SPTBN1: variants seen among roughly 807,000 people sequenced by gnomAD.
The protein encoded by SPTBN1 is spectrin beta chain, non-erythrocytic 1.
SPTBN1 carries 32 observed loss-of-function variants against 266.4 expected under a neutral mutation model. The ratio of observed to expected loss-of-function variants is 0.12; its 90% CI spans 0.09 to 0.16. SPTBN1 has a LOEUF of 0.16. Ranked by LOEUF, SPTBN1 falls within the 10% of genes least tolerant of loss-of-function variation. The probability of loss-of-function intolerance (pLI) is 1.00; values close to 1 mark genes in which losing one functional copy is unlikely to be tolerated. For synonymous variants in SPTBN1, 1,336 were observed against 1,162.2 expected (o/e 1.15, Z -3.04); for missense variants, 2,296 against 3,067.1 (o/e 0.75, Z 5.94).
intron 1 of SPTBN1, among the ~76,000 whole-genome samples, chr2:54,502,835 G>C (rs1226777973): frequency 6.6e-6 from 1 of 152,200 alleles, no homozygotes; most frequent in African/African-American, 2.4e-5. Context: ...TGAGTGGTGA[G>C]CAGTCTGGTT....
intron 1 of SPTBN1, among the ~76,000 whole-genome samples, chr2:54,522,658 A>AAG (rs147689465): frequency 0.033 from 2,730 of 81,520 alleles, 169 homozygotes; most frequent in African/African-American, 0.1. Context: ...GAGAGAGAGA[A>AAG]AGAGAGAGAG....
chr2:54,654,292 T>C (rs1680504543), intron 27 of SPTBN1, among the ~76,000 whole-genome samples: 1 of 152,248 alleles, frequency 6.6e-6, no homozygotes, highest in Non-Finnish European at 1.5e-5. Context: ...TGCACATTAC[T>C]AAAGGTGTCA....
At chr2:54,522,667 A>AG (rs1558802509) in intron 1 of SPTBN1, among the ~76,000 whole-genome samples, 2 of 99,430 alleles carry the variant, frequency 2.0e-5, no homozygotes, top group African/African-American at 7.3e-5. Context: ...AAAGAGAGAG[A>AG]GAGAGAGAGA....
chr2:54,660,179 C>T, intron 32 of SPTBN1, 180 bp downstream of exon 32: 1 of 1,507,702 alleles, frequency 6.6e-7, no homozygotes, highest in Non-Finnish European at 8.9e-7. Context: ...AAAATTTTTA[C>T]TTAATTCATA....
At position 54,630,038 on chromosome 2, in the gene SPTBN1, G is replaced by T; in HGVS notation, c.2807+9G>T. The T allele has an allele frequency of 6.2e-7, 1 of 1,611,922 alleles. No individual in the cohort carries two copies. Among genetic ancestry groups the T allele is most frequent in the Non-Finnish European group, 8.5e-7 (1 of 1,179,024 alleles). On this transcript the variant is annotated intron_variant, in intron 15 of 35. Coordinates refer to ENST00000356805, the MANE Select transcript of SPTBN1 (RefSeq NM_003128.3). ...GACAAACTCAACACAAGGTGAGCAC[G>T]TGGCCAGCAGTGTGCCAGCCTCCCA...
intron 17 of SPTBN1, among the ~76,000 whole-genome samples, chr2:54,635,850 T>C (rs1025741987): frequency 1.3e-5 from 2 of 152,264 alleles, no homozygotes; most frequent in Non-Finnish European, 2.9e-5. Flanking sequence ...GAACTGGAAT[T>C]TGAGGGAAGG....
chr2:54,613,833 G>C (rs1291041686), intron 4 of SPTBN1, among the ~76,000 whole-genome samples: 1 of 152,214 alleles, frequency 6.6e-6, no homozygotes, highest in African/African-American at 2.4e-5. Context: ...ATTATTAGCA[G>C]TACACTCCTC....
rs994353802 is a variant in SPTBN1, at chr2:54,533,774, C to T, written c.148+7208C>T. On this transcript the variant is annotated intron_variant, in intron 2 of 35. Transcript: ENST00000356805. This position sits in a 1 kb window ranked among gnomAD's most constrained non-coding sequence, Gnocchi z 4.2. ...CCATGTTGGCCAGGCTGGTCTCGAA[C>T]TCCTGACCCCAGGTGATCCGCCCGC... 1.3e-5 allele frequency among the ~76,000 whole-genome samples: 2 copies of T among 152,200 alleles called. No individual in the cohort carries two copies. Among genetic ancestry groups the T allele is most frequent in the African/African-American group, 4.8e-5 (2 of 41,436 alleles).
chr2:54,617,232 G>T (rs548550527), intron 5 of SPTBN1, among the ~76,000 whole-genome samples: 3 of 152,198 alleles, frequency 2.0e-5, no homozygotes, highest in Admixed American at 6.5e-5. Context: ...CCAAAGTAAC[G>T]TGTGACAAGG....
intron 1 of SPTBN1, among the ~76,000 whole-genome samples, chr2:54,479,883 C>G (rs7599380): frequency 0.22 from 33,151 of 151,256 alleles, 4,616 homozygotes; most frequent in East Asian, 0.37. Flanking sequence ...TTCCAAGAGG[C>G]AAGGTCTCAC....
At chr2:54,660,484 A>G (rs1465481502) in intron 32 of SPTBN1, 4 of 989,214 alleles carry the variant, frequency 4.0e-6, no homozygotes, top group African/African-American at 3.5e-5. Flanking sequence ...ATTAACCTAT[A>G]GTAGTTTACT....
intron 1 of SPTBN1, among the ~76,000 whole-genome samples, chr2:54,477,400 C>CTTTT (rs34731938): frequency 2.8e-5 from 4 of 142,998 alleles, no homozygotes; most frequent in African/African-American, 1.0e-4. Context: ...GTGGCATTAC[C>CTTTT]TTTTTTTTTT....
rs1034855870 is a variant in SPTBN1, at chr2:54,668,849, G to T, written c.*280G>T. The T allele has an allele frequency of 1.7e-5, 6 of 348,274 alleles. No homozygotes were observed. The highest frequency in any genetic ancestry group is 3.2e-5 in the Non-Finnish European group (6 of 186,800). The allele number at this position is 348,274 out of a possible 1,614,324, so 21.6% of individuals were successfully genotyped here. ...AGTATTTAAACTGTTCCTCAATTTT[G>T]TGAGGCTGTGTTGGAAATAACCCGC... On this transcript the variant is annotated 3_prime_UTR_variant, in exon 36 of 36. Transcript: ENST00000356805.
intron 1 of SPTBN1, among the ~76,000 whole-genome samples, chr2:54,481,388 C>CTGAG (rs1298478275): frequency 1.4e-3 from 164 of 116,426 alleles, no homozygotes; most frequent in African/African-American, 5.6e-3. Flanking sequence ...CTGCAGAAAC[C>CTGAG]TGAGTGTGTG....
chr2:54,474,560 G>T (rs921507656), intron 1 of SPTBN1, among the ~76,000 whole-genome samples: 1 of 152,066 alleles, frequency 6.6e-6, no homozygotes, highest in East Asian at 1.9e-4. Context: ...CTAGTGCCTG[G>T]AAATATGTAA....
At chr2:54,593,768 C>T (rs372433842) in intron 2 of SPTBN1, among the ~76,000 whole-genome samples, 1 of 140,382 alleles carries the variant, frequency 7.1e-6, no homozygotes, top group Non-Finnish European at 1.5e-5. Context: ...TAAGGACTTG[C>T]GTTAGTTAGG....
At chr2:54,504,295 A>T (rs1203768774) in intron 1 of SPTBN1, among the ~76,000 whole-genome samples, 1 of 152,148 alleles carries the variant, frequency 6.6e-6, no homozygotes, top group Non-Finnish European at 1.5e-5. Flanking sequence ...AACCTTTTGG[A>T]TTTTCATATC....
At chr2:54,501,547 CTAACCTGGCTGGACAGCCAGGT>C (rs933091309) in intron 1 of SPTBN1, among the ~76,000 whole-genome samples, 9 of 152,216 alleles carry the variant, frequency 5.9e-5, no homozygotes, top group African/African-American at 1.7e-4. Flanking sequence ...CAATTAAATG[CTAACCTGGCTGGACAGCCAGGT>C]GTAGGTTTGT....
intron 1 of SPTBN1, among the ~76,000 whole-genome samples, chr2:54,518,829 G>T (rs538283384): frequency 6.6e-6 from 1 of 152,184 alleles, no homozygotes; most frequent in Non-Finnish European, 1.5e-5. Flanking sequence ...GTGTGCATAT[G>T]TGTAGTGCCA....
Sources: gnomAD v4.1 joint callset for allele counts (sites outside exome capture counted in the v4.1 genomes callset) on GRCh38, gnomAD v4.1.1 for gene constraint, Gnocchi (gnomAD v3.1) non-coding constraint, MANE v1.5 for transcripts, NCBI Gene and HGNC (gene_info 2026-07-23, HGNC 2026-07-21) for gene names.